SLC30A10: variants seen among roughly 807,000 people sequenced by gnomAD.
The protein encoded by SLC30A10 is solute carrier family 30 member 10.
In SLC30A10, 8 loss-of-function variants were observed where a neutral mutation model predicts 21.7. That is an observed-to-expected ratio of 0.37 (90% CI 0.22 to 0.67). The LOEUF (loss-of-function observed/expected upper bound fraction) is 0.67. Among genes scored for constraint, SLC30A10 ranks in the 30% least tolerant of loss-of-function variants. SLC30A10 has a pLI of 0.58. For missense variants in SLC30A10, 521 were observed against 642.5 expected, an observed-to-expected ratio of 0.81 and a Z score of 2.04; for synonymous variants, 272 against 279.4, an observed-to-expected ratio of 0.97 and a Z score of 0.26.
chr1:219,938,331 G>A (rs1226688475), intron 1 of SLC30A10, among the ~76,000 whole-genome samples: 4 of 152,150 alleles, frequency 2.6e-5, no homozygotes, highest in Non-Finnish European at 4.4e-5. Context: ...TTTCCATGAG[G>A]GCGCCTCCAA....
intron 2 of SLC30A10, among the ~76,000 whole-genome samples, chr1:219,925,513 G>A (rs1223817120): frequency 6.6e-6 from 1 of 150,882 alleles, no homozygotes; most frequent in African/African-American, 2.4e-5. Flanking sequence ...CAGCCTGGGA[G>A]ACAGAGCAGG....
Position 219,915,834 on chromosome 1 carries a change from C to A in SLC30A10, c.1073G>T (p.Gly358Val). The change falls in exon 4 of 4, where the codon GGA becomes GTA. Residue 358 changes from glycine (G) to valine (V), a missense_variant. Physicochemically the swap from Gly to Val is moderately radical, Grantham distance 109 (BLOSUM62 -3). Transcript: ENST00000366926. ...TLHIKYPKDR[G>V]YQDASTKIRE... Reference sequence around the variant, plus strand: ...AATTTTTGTGCTGGCATCTTGATATCCCCTGTCCTTAGGATACTTGATGTG... The same window carrying A: ...AATTTTTGTGCTGGCATCTTGATATACCCTGTCCTTAGGATACTTGATGTG... The A allele has an allele frequency of 6.2e-7, 1 of 1,614,226 alleles. No individual in the cohort carries two copies. The highest frequency in any genetic ancestry group is 8.5e-7 in the Non-Finnish European group (1 of 1,180,052).
At chr1:219,931,795 A>C (rs968828818), upstream of SLC30A10, among the ~76,000 whole-genome samples, 1 of 152,104 alleles carries the variant, frequency 6.6e-6, no homozygotes, top group African/African-American at 2.4e-5. Flanking sequence ...TTTTATACTT[A>C]ACAGCAAATT....
chr1:219,927,661 A>G (rs1179079956), intron 1 of SLC30A10, 140 bp downstream of exon 1: 2 of 557,780 alleles, frequency 3.6e-6, no homozygotes, highest in African/African-American at 5.4e-5. Flanking sequence ...AAAAAAAAAA[A>G]AAAAAAACAA....
chr1:219,915,933 G>A lies in SLC30A10; in HGVS notation c.974C>T (p.Ala325Val). ...NMEELMSKLS[A>V]VPGISSVHEV... Reference sequence around the variant, plus strand: ...ATGTACACTGCTAATTCCAGGCACAGCAGAGAGTTTACTCACTATAACAGA... The same window carrying A: ...ATGTACACTGCTAATTCCAGGCACAACAGAGAGTTTACTCACTATAACAGA... Residue 325 changes from alanine (A) to valine (V), a missense_variant, in exon 4 of 4, where the codon GCT becomes GTT. Physicochemically the swap from Ala to Val is moderately conservative, Grantham distance 64. Coordinates refer to ENST00000366926, the MANE Select transcript of SLC30A10 (RefSeq NM_018713.3). 6.2e-7 allele frequency: 1 copy of A among 1,613,456 alleles called. No individual in the cohort carries two copies. Among genetic ancestry groups the A allele is most frequent in the African/African-American group, 1.3e-5 (1 of 75,050 alleles).
At chr1:219,941,961 A>G (rs112863300) in intron 1 of SLC30A10, among the ~76,000 whole-genome samples, 3 of 152,346 alleles carry the variant, frequency 2.0e-5, no homozygotes, top group African/African-American at 7.2e-5. Flanking sequence ...GGCCCTGGCC[A>G]GGTCTGGCAG....
intron 1 of SLC30A10, among the ~76,000 whole-genome samples, chr1:219,951,895 C>T (rs1305421680): frequency 1.3e-5 from 2 of 152,068 alleles, no homozygotes; most frequent in Non-Finnish European, 2.9e-5. Context: ...ACATTGTGCC[C>T]AGCTGAAATA....
At position 219,918,204 on chromosome 1, in the gene SLC30A10, T is replaced by G; in HGVS notation, c.958+51A>C. 1 of 1,592,590 alleles carries G rather than the reference T, an allele frequency of 6.3e-7. No homozygotes were observed. Among genetic ancestry groups the G allele is most frequent in the East Asian group, 2.2e-5 (1 of 44,732 alleles). On this transcript the variant is annotated intron_variant, in intron 3 of 3. Transcript: ENST00000366926. This position sits in a 1 kb window ranked among gnomAD's most constrained non-coding sequence, Gnocchi z 4.4. ...CTTAAATAATGCTTGTCCTTTGGCCTGAATAACATTAAATTGAGAGTGGTT... is the reference window on the plus strand; with the variant it reads ...CTTAAATAATGCTTGTCCTTTGGCCGGAATAACATTAAATTGAGAGTGGTT...
intron 2 of SLC30A10, among the ~76,000 whole-genome samples, chr1:219,923,775 GT>G (rs1480968186): frequency 1.3e-5 from 2 of 152,158 alleles, no homozygotes; most frequent in Non-Finnish European, 2.9e-5. Flanking sequence ...GAACTCATTT[GT>G]TTGCCAGGCA....
At chr1:219,943,927 G>A (rs778732808) in intron 1 of SLC30A10, among the ~76,000 whole-genome samples, 11 of 151,750 alleles carry the variant, frequency 7.2e-5, no homozygotes, top group South Asian at 2.1e-4. Flanking sequence ...ATGAAACCCC[G>A]TCTCTACTAA....
At chr1:219,945,198 A>T (rs894685744) in intron 1 of SLC30A10, among the ~76,000 whole-genome samples, 2 of 152,204 alleles carry the variant, frequency 1.3e-5, no homozygotes, top group Non-Finnish European at 1.5e-5. Context: ...GGTGGCTATG[A>T]CTACTAAAGG....
At position 219,912,334 on chromosome 1, in the gene SLC30A10, GA is replaced by G. The variant is rs980000648; in HGVS notation, c.*3114del. On this transcript the variant is annotated 3_prime_UTR_variant, in exon 4 of 4. Transcript: ENST00000366926. ...GGTATTCATAATGGCCCAATATCATGAAAAAAATTAATTATATTTTCAAAAA... is the reference window on the plus strand; with the variant it reads ...GGTATTCATAATGGCCCAATATCATGAAAAAATTAATTATATTTTCAAAAA... Among the ~76,000 whole-genome samples the G allele has an allele frequency of 3.3e-5, 5 of 151,920 alleles. No homozygotes were observed. Among genetic ancestry groups the G allele is most frequent in the African/African-American group, 4.8e-5 (2 of 41,344 alleles).
At chr1:219,944,033 G>A (rs1660152421) in intron 1 of SLC30A10, among the ~76,000 whole-genome samples, 1 of 151,240 alleles carries the variant, frequency 6.6e-6, no homozygotes, top group Non-Finnish European at 1.5e-5. Flanking sequence ...CCAGGAGGTG[G>A]AGTTTGCAGT....
chr1:219,928,450 A>C lies in SLC30A10; in HGVS notation c.-10T>G. On this transcript the variant is annotated 5_prime_UTR_variant, in exon 1 of 4. Coordinates refer to ENST00000366926, the MANE Select transcript of SLC30A10 (RefSeq NM_018713.3). The surrounding 1 kb of genome is among the most constrained non-coding windows in gnomAD (Gnocchi z 6.3). ...CAGAGTAGCGGCCCATCTCGCCACC[A>C]GCCCCGGGCGCCCGGCGCCGCCCAG... 6.3e-7 allele frequency: 1 copy of C among 1,597,548 alleles called. No homozygotes were observed. The highest frequency in any genetic ancestry group is 8.5e-7 in the Non-Finnish European group (1 of 1,173,586).
chr1:219,954,603 C>T (rs935253695), intron 1 of SLC30A10, among the ~76,000 whole-genome samples: 3 of 144,486 alleles, frequency 2.1e-5, no homozygotes, highest in African/African-American at 7.6e-5. Flanking sequence ...TTGCTTGAAC[C>T]GAGGAGGCAG....
upstream of SLC30A10, among the ~76,000 whole-genome samples, chr1:219,932,921 C>T (rs1205443374): frequency 2.0e-5 from 3 of 150,842 alleles, no homozygotes; most frequent in Non-Finnish European, 4.4e-5. Flanking sequence ...ATTAACCGGG[C>T]GTGGTGGCGC....
chr1:219,927,395 G>GA (rs1398109809), intron 1 of SLC30A10, among the ~76,000 whole-genome samples: 1 of 152,016 alleles, frequency 6.6e-6, no homozygotes, highest in African/African-American at 2.4e-5. Context: ...GATGGGCAAA[G>GA]AGGGGGGGAG....
At chr1:219,930,405 C>T (rs1185587289), upstream of SLC30A10, among the ~76,000 whole-genome samples, 7 of 152,090 alleles carry the variant, frequency 4.6e-5, 1 homozygote, top group South Asian at 1.5e-3. Flanking sequence ...CCCAAGAAGT[C>T]GAGACTGCAG....
rs371800776 is a variant in SLC30A10, at chr1:219,918,398, G to A, written c.815C>T (p.Pro272Leu). 9 of 1,614,016 alleles carry A rather than the reference G, an allele frequency of 5.6e-6. No individual in the cohort carries two copies. Among genetic ancestry groups the A allele is most frequent in the South Asian group, 2.2e-5 (2 of 91,072 alleles). Residue 272 changes from proline to leucine, a missense_variant, in exon 3 of 4, where the codon CCG becomes CTG. Pro to Leu is a moderately conservative substitution (Grantham distance 98). Transcript: ENST00000366926. This position sits in a 1 kb window ranked among gnomAD's most constrained non-coding sequence, Gnocchi z 4.4. ...FYVLPLKSED[P>L]CNWQCYIDPS... ...GTCAATGTAACACTGCCAGTTACAC[G>A]GGTCCTCACTCTTCAGGGGAAGCAC...
Sources: allele counts gnomAD v4.1 joint callset (sites outside exome capture counted in the v4.1 genomes callset), GRCh38; gene constraint gnomAD v4.1.1; non-coding constraint Gnocchi (gnomAD v3.1); transcripts MANE v1.5; gene names NCBI Gene and HGNC (gene_info 2026-07-23, HGNC 2026-07-21).